The following ACER3 variants were observed in gnomAD, a reference collection of about 807,000 sequenced individuals.
ACER3 encodes the protein alkCDase 3.
Under a neutral mutation model 48.9 loss-of-function variants are expected in ACER3, and 16 were observed. The observed-to-expected ratio is 0.33, with a 90% confidence interval of 0.22 to 0.50. The LOEUF is 0.50. Among genes scored for constraint, ACER3 ranks in the 20% least tolerant of loss-of-function variants. The pLI is 0.98. For missense variants in ACER3, 227 were observed against 326.0 expected, an observed-to-expected ratio of 0.70 and a Z score of 2.34; for synonymous variants, 109 against 107.8, an observed-to-expected ratio of 1.01 and a Z score of -0.07.
chr11:77,020,184 T>C (rs1043327841), intron 10 of ACER3, 90 bp from the exon 11 acceptor site: 2 of 1,370,858 alleles, frequency 1.5e-6, no homozygotes, highest in African/African-American at 2.9e-5. Flanking sequence ...CGTATAGTCA[T>C]AGCCCCATGG....
chr11:76,880,633 C>G (rs1451654762), intron 1 of ACER3, among the ~76,000 whole-genome samples: 1 of 152,236 alleles, frequency 6.6e-6, no homozygotes, highest in East Asian at 1.9e-4. Context: ...TCCTCCAGGG[C>G]ATGGGATGGG....
At chr11:76,886,618 A>G (rs1024765691) in intron 1 of ACER3, among the ~76,000 whole-genome samples, 1 of 152,202 alleles carries the variant, frequency 6.6e-6, no homozygotes, top group Non-Finnish European at 1.5e-5. Flanking sequence ...AAGAATGAGA[A>G]TGGAATTTCA....
chr11:76,896,506 A>C (rs944774280), intron 1 of ACER3, among the ~76,000 whole-genome samples: 1 of 151,996 alleles, frequency 6.6e-6, no homozygotes, highest in Non-Finnish European at 1.5e-5. Flanking sequence ...AAAAAAAAGA[A>C]AAGACTAGTA....
intron 7 of ACER3, among the ~76,000 whole-genome samples, chr11:76,999,378 TG>T (rs1948982583): frequency 1.4e-5 from 1 of 73,022 alleles, no homozygotes; most frequent in African/African-American, 4.3e-5. Context: ...TTTGTGGGTT[TG>T]TTTTTTTTTT....
chr11:76,976,643 C>A (rs904353408), intron 4 of ACER3, among the ~76,000 whole-genome samples: 1 of 152,022 alleles, frequency 6.6e-6, no homozygotes. Context: ...TCATATTGTG[C>A]CATAAAAGTT....
At chr11:76,965,476 C>T (rs1353191547) in intron 3 of ACER3, among the ~76,000 whole-genome samples, 7 of 151,086 alleles carry the variant, frequency 4.6e-5, no homozygotes, top group Non-Finnish European at 5.9e-5. Context: ...AGATACTCCT[C>T]GAGAGGAGCA....
chr11:76,931,624 T>C (rs897025482), intron 2 of ACER3, among the ~76,000 whole-genome samples: 2 of 152,220 alleles, frequency 1.3e-5, no homozygotes, highest in African/African-American at 4.8e-5. Flanking sequence ...TTTCCATGTT[T>C]AGTGCTTCCT....
chr11:76,988,408 G>A (rs1214847071), intron 5 of ACER3, among the ~76,000 whole-genome samples: 3 of 152,274 alleles, frequency 2.0e-5, no homozygotes, highest in South Asian at 2.1e-4. Flanking sequence ...TCACAGTTCC[G>A]CATGGCTGGG....
At chr11:76,970,730 C>G (rs1948276223) in intron 3 of ACER3, among the ~76,000 whole-genome samples, 1 of 150,384 alleles carries the variant, frequency 6.6e-6, no homozygotes, top group Non-Finnish European at 1.5e-5. Flanking sequence ...TTTTTTTTAC[C>G]CTATCATACA....
intron 3 of ACER3, among the ~76,000 whole-genome samples, chr11:76,966,944 A>C (rs902485662): frequency 2.6e-5 from 4 of 152,104 alleles, no homozygotes; most frequent in Non-Finnish European, 5.9e-5. Flanking sequence ...AGAAGGCAAG[A>C]AATAACTAAA....
At chr11:76,979,092 C>A (rs574469346) in intron 4 of ACER3, among the ~76,000 whole-genome samples, 1 of 152,318 alleles carries the variant, frequency 6.6e-6, no homozygotes, top group African/African-American at 2.4e-5. Flanking sequence ...GCAGAATGAG[C>A]CCAGTGGGCC....
intron 1 of ACER3, among the ~76,000 whole-genome samples, chr11:76,894,679 A>T (rs7103881): frequency 6.6e-6 from 1 of 152,156 alleles, no homozygotes; most frequent in East Asian, 1.9e-4. Flanking sequence ...GCTGGGCCAT[A>T]TGACTGATTT....
At chr11:77,011,915 A>C (rs1312801553) in intron 7 of ACER3, among the ~76,000 whole-genome samples, 5 of 152,304 alleles carry the variant, frequency 3.3e-5, no homozygotes, top group African/African-American at 1.2e-4. Flanking sequence ...CAAACTAGTA[A>C]TAGAAGGGAA....
At chr11:76,996,732 T>C (rs1217783870) in intron 6 of ACER3, among the ~76,000 whole-genome samples, 5 of 143,640 alleles carry the variant, frequency 3.5e-5, no homozygotes, top group African/African-American at 1.3e-4. Flanking sequence ...TTTTTTTTTT[T>C]TTTTTTTTTC....
intron 5 of ACER3, among the ~76,000 whole-genome samples, chr11:76,986,052 C>T (rs1565214439): frequency 6.6e-6 from 1 of 152,208 alleles, no homozygotes; most frequent in Non-Finnish European, 1.5e-5. Flanking sequence ...ATTGGCTCTG[C>T]TCCATTGGTC....
At chr11:76,938,253 G>A (rs965985154) in intron 2 of ACER3, among the ~76,000 whole-genome samples, 3 of 151,794 alleles carry the variant, frequency 2.0e-5, no homozygotes, top group Admixed American at 1.3e-4. Flanking sequence ...GGGCTCAAGC[G>A]ATTCGCTCAC....
chr11:76,952,659 G>A (rs1011733766), intron 2 of ACER3, among the ~76,000 whole-genome samples: 2 of 135,024 alleles, frequency 1.5e-5, no homozygotes, highest in Non-Finnish European at 3.1e-5. Flanking sequence ...TAGAAGTTAC[G>A]TAAGATTTCT....
chr11:76,965,517 A>G (rs922839672), intron 3 of ACER3, among the ~76,000 whole-genome samples: 2 of 151,388 alleles, frequency 1.3e-5, no homozygotes, highest in African/African-American at 4.9e-5. Context: ...CAGATTCACG[A>G]AAGCTGAAAT....
chr11:77,014,836 A>T (rs1025591142), intron 7 of ACER3, among the ~76,000 whole-genome samples, 180 bp from the exon 8 acceptor site: 2 of 152,192 alleles, frequency 1.3e-5, no homozygotes, highest in African/African-American at 4.8e-5. Flanking sequence ...ACCCTTGAGC[A>T]CAGGAATTCG....
Sources: gnomAD v4.1 joint callset for allele counts (sites outside exome capture counted in the v4.1 genomes callset) on GRCh38, gnomAD v4.1.1 for gene constraint, MANE v1.5 for transcripts, NCBI Gene and HGNC (gene_info 2026-07-23, HGNC 2026-07-21) for gene names.